PDZD2: variants seen among roughly 807,000 people sequenced by gnomAD.
PDZD2 encodes the protein PDZ domain-containing protein 2.
A neutral mutation model predicts 220.7 loss-of-function variants in PDZD2; 90 were observed. The ratio of observed to expected loss-of-function variants is 0.41; its 90% CI spans 0.34 to 0.49. The LOEUF (loss-of-function observed/expected upper bound fraction) is 0.49, where lower values mean the gene tolerates loss of function less well. Among genes scored for constraint, PDZD2 ranks in the 20% least tolerant of loss-of-function variants. The pLI is 0.28. For synonymous variants in PDZD2, 1,375 were observed against 1,450.5 expected, an observed-to-expected ratio of 0.95 and a Z score of 1.18; for missense variants, 3,174 against 3,608.5, an observed-to-expected ratio of 0.88 and a Z score of 3.08.
chr5:31,816,867 T>C (rs1484420981), intron 2 of PDZD2, among the ~76,000 whole-genome samples: 1 of 152,210 alleles, frequency 6.6e-6, no homozygotes, highest in East Asian at 1.9e-4. Context: ...TTGTGAGGTA[T>C]CTTCAGCTAT....
At chr5:31,933,468 G>T (rs2150394493) in intron 2 of PDZD2, among the ~76,000 whole-genome samples, 1 of 152,144 alleles carries the variant, frequency 6.6e-6, no homozygotes, top group Non-Finnish European at 1.5e-5. Flanking sequence ...CTTGGCTTTT[G>T]CTGTATGATC....
At chr5:31,970,125 CCTCAGG>C (rs1749165154) in intron 2 of PDZD2, among the ~76,000 whole-genome samples, 1 of 151,996 alleles carries the variant, frequency 6.6e-6, no homozygotes, top group South Asian at 2.1e-4. Context: ...GAACTCCTGA[CCTCAGG>C]TGATCCGCCC....
At chr5:31,647,222 G>A (rs756142429) in intron 1 of PDZD2, among the ~76,000 whole-genome samples, 1 of 152,080 alleles carries the variant, frequency 6.6e-6, no homozygotes, top group Non-Finnish European at 1.5e-5. Flanking sequence ...CCTAGTACAT[G>A]GGTAAAAATT....
chr5:32,049,424 G>A (rs150995908), intron 8 of PDZD2, among the ~76,000 whole-genome samples: 6 of 152,334 alleles, frequency 3.9e-5, no homozygotes, highest in African/African-American at 1.4e-4. Flanking sequence ...ATGAAGCAGA[G>A]ATAGAGGACG....
intron 1 of PDZD2, among the ~76,000 whole-genome samples, chr5:31,678,827 GAACTCC>G (rs1561379179): frequency 3.9e-5 from 6 of 151,966 alleles, no homozygotes; most frequent in Non-Finnish European, 7.4e-5. Flanking sequence ...GGCTGGTCTT[GAACTCC>G]TAGCCTCAAG....
At chr5:32,001,541 CCT>C (rs112709244) in intron 5 of PDZD2, among the ~76,000 whole-genome samples, 6,657 of 152,288 alleles carry the variant, frequency 0.044, 464 homozygotes, top group African/African-American at 0.15. Context: ...GTGTCTGTCC[CCT>C]GTCTCCCTGC....
intron 6 of PDZD2, among the ~76,000 whole-genome samples, chr5:32,022,750 T>C (rs570460261): frequency 7.9e-5 from 12 of 152,136 alleles, no homozygotes; most frequent in Non-Finnish European, 1.6e-4. Flanking sequence ...TGTCCAGAAA[T>C]CCACAAAGTC....
chr5:32,095,646 C>T (rs761731539), intron 21 of PDZD2, among the ~76,000 whole-genome samples: 1 of 149,594 alleles, frequency 6.7e-6, no homozygotes, highest in African/African-American at 2.5e-5. Flanking sequence ...CCTTAAACAC[C>T]ACTGGAAAAA....
At chr5:31,968,314 C>T (rs951716343) in intron 2 of PDZD2, among the ~76,000 whole-genome samples, 1 of 152,134 alleles carries the variant, frequency 6.6e-6, no homozygotes, top group African/African-American at 2.4e-5. Context: ...GCCGAGATCG[C>T]ACCACTGTGC....
At chr5:31,891,217 A>G (rs1010050629) in intron 2 of PDZD2, among the ~76,000 whole-genome samples, 4 of 139,622 alleles carry the variant, frequency 2.9e-5, no homozygotes, top group South Asian at 2.2e-4. Flanking sequence ...GCTCACTGCC[A>G]TCTCAGCCTC....
At chr5:31,668,809 G>A (rs1317947362) in intron 1 of PDZD2, among the ~76,000 whole-genome samples, 1 of 152,108 alleles carries the variant, frequency 6.6e-6, no homozygotes, top group Non-Finnish European at 1.5e-5. Context: ...AAGAATAAGA[G>A]GGGAAAAAAT....
chr5:32,072,886 AACC>A (rs1198726794), intron 17 of PDZD2, among the ~76,000 whole-genome samples: 1 of 152,160 alleles, frequency 6.6e-6, no homozygotes, highest in Non-Finnish European at 1.5e-5. Flanking sequence ...CAGGATGGGC[AACC>A]TGATGCCCTT....
intron 1 of PDZD2, among the ~76,000 whole-genome samples, chr5:31,771,931 CACTGGAACCCTTTCT>C (rs1752362000): frequency 6.6e-6 from 1 of 152,088 alleles, no homozygotes; most frequent in African/African-American, 2.4e-5. Context: ...ACTTTTTAGG[CACTGGAACCCTTTCT>C]TAAACTAAGA....
At chr5:31,975,804 TTTA>T (rs1454502214) in intron 2 of PDZD2, among the ~76,000 whole-genome samples, 1,929 of 26,700 alleles carry the variant, frequency 0.072, 321 homozygotes, top group African/African-American at 0.24. Flanking sequence ...TTTTTTTTTA[TTTA>T]TTTTTTTTTT....
intron 2 of PDZD2, among the ~76,000 whole-genome samples, chr5:31,875,732 CAATT>C (rs1217559687): frequency 1.3e-5 from 2 of 150,302 alleles, no homozygotes; most frequent in East Asian, 3.9e-4. Context: ...CACCCCAAAT[CAATT>C]AAAAATCCAG....
intron 2 of PDZD2, among the ~76,000 whole-genome samples, chr5:31,849,777 G>C (rs1033067167): frequency 5.0e-4 from 75 of 150,482 alleles, no homozygotes; most frequent in African/African-American, 1.8e-3. Context: ...CCGGGAGGCA[G>C]AGGTTGCAGT....
At chr5:31,779,664 C>T (rs1199329609) in intron 1 of PDZD2, among the ~76,000 whole-genome samples, 8 of 152,046 alleles carry the variant, frequency 5.3e-5, no homozygotes, top group East Asian at 3.9e-4. Context: ...TGAGCCACCG[C>T]GCCCGGCCAA....
intron 2 of PDZD2, among the ~76,000 whole-genome samples, chr5:31,860,656 C>G (rs950108335): frequency 5.3e-5 from 8 of 152,202 alleles, no homozygotes; most frequent in African/African-American, 1.9e-4. Flanking sequence ...GAACTTTCAT[C>G]TCAGCAGTAG....
At chr5:32,028,681 T>TTTTTTTTTTG in intron 6 of PDZD2, among the ~76,000 whole-genome samples, 1 of 142,590 alleles carries the variant, frequency 7.0e-6, no homozygotes, top group Non-Finnish European at 1.5e-5. Flanking sequence ...TTTTGTTTTT[T>TTTTTTTTTTG]TTGTTTTTTT....
Sources: gnomAD v4.1 joint callset for allele counts (sites outside exome capture counted in the v4.1 genomes callset) on GRCh38, gnomAD v4.1.1 for gene constraint, MANE v1.5 for transcripts, NCBI Gene and HGNC (gene_info 2026-07-23, HGNC 2026-07-21) for gene names.